The following RPAP1 variants were observed in gnomAD, a reference collection of about 807,000 sequenced individuals.
RPAP1 encodes the protein RNA polymerase II-associated protein 1.
Under a neutral mutation model 142.4 loss-of-function variants are expected in RPAP1, and 109 were observed. The observed-to-expected ratio is 0.77, with a 90% CI of 0.66 to 0.90. RPAP1 has a LOEUF of 0.90. Among genes scored for constraint, RPAP1 ranks in the 40% least tolerant of loss-of-function variants. The pLI, the probability that RPAP1 is intolerant of heterozygous loss-of-function variation, is 0.00. For missense variants in RPAP1, 1,546 were observed against 1,751.7 expected (o/e 0.88, Z 2.10); for synonymous variants, 704 against 738.9 (o/e 0.95, Z 0.77).
intron 21 of RPAP1, 48 bp from the exon 22 acceptor site, chr15:41,521,195 T>G: frequency 6.7e-7 from 1 of 1,500,030 alleles, no homozygotes. Flanking sequence ...ACCACAGCAC[T>G]TGGAGGCTGT....
intron 14 of RPAP1, among the ~76,000 whole-genome samples, chr15:41,526,451 T>C (rs1453274747): frequency 6.6e-6 from 1 of 152,102 alleles, no homozygotes; most frequent in Non-Finnish European, 1.5e-5. Context: ...AGAGTCTTGC[T>C]ATGTTGTCCA....
chr15:41,517,299 C>CG lies in RPAP1; in HGVS notation c.*242dup, dbSNP rs1366948089. ...TTTAGTTTGCCCTGTCCCCAAAGAGCGGGTAAATAGCTAAGCCACTCTTCA... is the reference window on the plus strand; with the variant it reads ...TTTAGTTTGCCCTGTCCCCAAAGAGCGGGGTAAATAGCTAAGCCACTCTTCA... On this transcript the variant is annotated 3_prime_UTR_variant, in exon 25 of 25. Coordinates refer to ENST00000304330, the MANE Select transcript of RPAP1 (RefSeq NM_015540.4). 12 of 384,440 alleles carry CG rather than the reference C, an allele frequency of 3.1e-5. No homozygotes were observed. 23.8% of individuals were successfully genotyped at this position (384,440 alleles called of 1,614,324 possible). A position where few individuals can be genotyped will look rare whatever the true frequency, so the allele number is the denominator to read the frequency against.
At position 41,531,135 on chromosome 15, in the gene RPAP1, A is replaced by G; in HGVS notation, c.831T>C (p.Ser277=). The G allele has an allele frequency of 6.2e-7, 1 of 1,614,020 alleles. No homozygotes were observed. Among genetic ancestry groups the G allele is most frequent in the Non-Finnish European group, 8.5e-7 (1 of 1,179,988 alleles). The stretch of plus-strand genomic sequence containing the variant: ...AGGGTCCTCCTGGCCTCTGCTCCTC[A>G]GAGGCTGTCTCTCCTGTTTGCTCTT... ...HTQEQTGETA[S]EEQRPGGPSA... is the part of the protein sequence containing the mutation. The change falls in exon 7 of 25, where the codon TCT becomes TCC. Residue 277 remains serine (S), a synonymous_variant. Transcript: ENST00000304330.
At chr15:41,518,297 G>C (rs1362513751) in intron 22 of RPAP1, 115 bp from the exon 23 acceptor site, 2 of 844,234 alleles carry the variant, frequency 2.4e-6, no homozygotes, top group African/African-American at 3.4e-5. Context: ...TCAGGTCCTA[G>C]ACAAACATCT....
chr15:41,524,606 G>T (rs1038111224), intron 15 of RPAP1, among the ~76,000 whole-genome samples: 25 of 151,752 alleles, frequency 1.6e-4, no homozygotes, highest in African/African-American at 5.6e-4. Flanking sequence ...CTGCCGAGTA[G>T]TTGGGATTAC....
At chr15:41,529,715 G>A in intron 8 of RPAP1, 147 bp from the exon 9 acceptor site, 1 of 831,170 alleles carries the variant, frequency 1.2e-6, no homozygotes, top group South Asian at 1.7e-5. Context: ...TGGGGGCCAG[G>A]CAGAGTGATG....
intron 13 of RPAP1, 45 bp from the exon 14 acceptor site, chr15:41,527,113 C>T: frequency 1.9e-6 from 3 of 1,612,714 alleles, no homozygotes; most frequent in Non-Finnish European, 2.5e-6. Flanking sequence ...GGCTGTGGGT[C>T]AAGACAAGGC....
At chr15:41,522,569 T>C (rs1450351786) in intron 19 of RPAP1, 196 bp downstream of exon 19, 1 of 570,642 alleles carries the variant, frequency 1.8e-6, no homozygotes, top group Admixed American at 3.4e-5. Context: ...TTTGTATTTT[T>C]AGTAGAGATG....
At chr15:41,532,448 G>A (rs1295236114) in intron 6 of RPAP1, among the ~76,000 whole-genome samples, 3 of 152,102 alleles carry the variant, frequency 2.0e-5, no homozygotes, top group Admixed American at 6.5e-5. Flanking sequence ...ACAGGGCAAG[G>A]CACCATACTG....
chr15:41,540,894 CT>C (rs1217099102), intron 1 of RPAP1, among the ~76,000 whole-genome samples: 1 of 152,154 alleles, frequency 6.6e-6, no homozygotes. Context: ...CTGGGTAATT[CT>C]TTGCTGTGGG....
At chr15:41,523,220 C>T in intron 18 of RPAP1, 25 bp downstream of exon 18, 4 of 1,459,716 alleles carry the variant, frequency 2.7e-6, no homozygotes, top group Non-Finnish European at 2.8e-6. Context: ...CCCTGCTTCC[C>T]CCAGCTACCA....
At chr15:41,524,341 A>C in intron 15 of RPAP1, 87 bp from the exon 16 acceptor site, 1 of 1,191,450 alleles carries the variant, frequency 8.4e-7, no homozygotes, top group Non-Finnish European at 1.1e-6. Flanking sequence ...AGGGATCTGC[A>C]GTTTGATAAA....
intron 22 of RPAP1, among the ~76,000 whole-genome samples, chr15:41,519,337 A>G (rs776312446): frequency 2.8e-4 from 43 of 151,944 alleles, no homozygotes; most frequent in Non-Finnish European, 4.4e-4. Context: ...CCTCCGGAGT[A>G]GCTGGGATTA....
At chr15:41,536,681 A>T (rs529099392) in intron 2 of RPAP1, 32 bp from the exon 3 acceptor site, 4 of 1,607,672 alleles carry the variant, frequency 2.5e-6, no homozygotes, top group Admixed American at 1.7e-5. Context: ...ACGTGAGTAT[A>T]TGCACACCTT....
Position 41,523,303 on chromosome 15 carries a change from C to T in RPAP1, c.2488G>A (p.Glu830Lys). 2 of 1,612,686 alleles carry T rather than the reference C, an allele frequency of 1.2e-6. No homozygotes were observed. Among genetic ancestry groups the T allele is most frequent in the African/African-American group, 1.3e-5 (1 of 75,008 alleles). ...WLQDMQRLSEELLLPLLSQPT... is the reference protein window; with the variant it reads ...WLQDMQRLSEKLLLPLLSQPT... ...TGACTCAGCAGTGGCAGCAGCAGCT[C>T]CTCTGACAGGCGCTGCATGTCCTGG... The change falls in exon 18 of 25, where the codon GAG becomes AAG. Residue 830 changes from glutamate (E) to lysine (K), a missense_variant. Physicochemically the swap from Glu to Lys is moderately conservative, Grantham distance 56. This residue lies in a region of RPAP1 where 1,333 missense variants were observed against 1,486.6 expected (regional missense o/e 0.90). Coordinates refer to ENST00000304330, the MANE Select transcript of RPAP1 (RefSeq NM_015540.4).
chr15:41,530,612 C>A (rs2051837644), intron 7 of RPAP1, among the ~76,000 whole-genome samples: 2 of 152,204 alleles, frequency 1.3e-5, no homozygotes, highest in Admixed American at 6.5e-5. Context: ...TTCATAAGAT[C>A]TTTGTCAGAT....
intron 14 of RPAP1, among the ~76,000 whole-genome samples, chr15:41,526,268 C>T (rs1477301166): frequency 6.6e-6 from 1 of 152,076 alleles, no homozygotes; most frequent in Non-Finnish European, 1.5e-5. Context: ...ATTTTTGAGA[C>T]GGGGTCTCGC....
rs375944317 is a variant in RPAP1, at chr15:41,529,997, G to A, written c.944-18C>T. Reference sequence around the variant, plus strand: ...TGCCAGAGCTGGGGAGACAAAGCATGATAGTATTACCCAAACGGCTCAGCT... The same window carrying A: ...TGCCAGAGCTGGGGAGACAAAGCATAATAGTATTACCCAAACGGCTCAGCT... On this transcript the variant is annotated intron_variant, in intron 7 of 24. Coordinates refer to ENST00000304330, the MANE Select transcript of RPAP1 (RefSeq NM_015540.4). 1 of 1,603,156 alleles carries A rather than the reference G, an allele frequency of 6.2e-7. No homozygotes were observed. Among genetic ancestry groups the A allele is most frequent in the Non-Finnish European group, 8.5e-7 (1 of 1,170,674 alleles).
chr15:41,521,832 T>A lies in RPAP1; in HGVS notation c.2944A>T (p.Met982Leu), dbSNP rs1482688868. 6.2e-6 allele frequency: 10 copies of A among 1,614,018 alleles called. No individual in the cohort carries two copies. The highest frequency in any genetic ancestry group is 8.5e-6 in the Non-Finnish European group (10 of 1,180,036). The part of the protein sequence containing the change: ...PATHAALYHG[M>L]ALALLSRLLP... ...AGCCGGCTCAGCAGGGCCAAGGCCA[T>A]ACCATGATAGAGGGCAGCATGGGTG... The change falls in exon 21 of 25, where the codon ATG becomes TTG. Residue 982 changes from methionine to leucine, a missense_variant. Met to Leu is a conservative substitution (Grantham distance 15). This residue lies in a region of RPAP1 where 1,333 missense variants were observed against 1,486.6 expected (regional missense o/e 0.90). Coordinates refer to ENST00000304330, the MANE Select transcript of RPAP1 (RefSeq NM_015540.4).
Sources: allele counts gnomAD v4.1 joint callset (sites outside exome capture counted in the v4.1 genomes callset), GRCh38; gene constraint gnomAD v4.1.1; regional missense constraint gnomAD v4.1.1; transcripts MANE v1.5; gene names NCBI Gene and HGNC (gene_info 2026-07-23, HGNC 2026-07-21).